The following HMCN1 variants were observed in gnomAD, a reference collection of about 807,000 sequenced individuals.
HMCN1 encodes the protein hemicentin-1.
HMCN1 carries 321 observed loss-of-function variants against 625.9 expected under a neutral mutation model. The ratio of observed to expected loss-of-function variants is 0.51; its 90% CI spans 0.47 to 0.56. The LOEUF is 0.56. HMCN1 is among the 20% of genes least tolerant of loss of function. HMCN1 has a pLI of 0.00. For missense variants in HMCN1, 6,588 were observed against 6,887.3 expected (o/e 0.96, Z 1.54); for synonymous variants, 2,425 against 2,417.6 (o/e 1.00, Z -0.09).
At chr1:186,002,760 A>G (rs778295251) in intron 28 of HMCN1, among the ~76,000 whole-genome samples, 23 of 152,022 alleles carry the variant, frequency 1.5e-4, no homozygotes, top group Non-Finnish European at 2.8e-4. Flanking sequence ...ATCAAACAAA[A>G]AGGTCCCAGT....
At position 186,001,384 on chromosome 1, in the gene HMCN1, G is replaced by GA. The variant is rs754361296; in HGVS notation, c.4156_4157insA (p.Gly1386GlufsTer11). 20 of 1,612,026 alleles carry GA rather than the reference G, an allele frequency of 1.2e-5. No homozygotes were observed. Among genetic ancestry groups the GA allele is most frequent in the Non-Finnish European group, 1.7e-5 (20 of 1,178,600 alleles). On this transcript the variant is annotated frameshift_variant, in exon 27 of 107. Coordinates refer to ENST00000271588, the MANE Select transcript of HMCN1 (RefSeq NM_031935.3). LOFTEE classifies it high-confidence loss of function. Reference sequence around the variant, plus strand: ...GACCAATCTCTTCTGTGAAGTGGAAGGCACTCCATCTCCCATCATTATGTG... The same window carrying GA: ...GACCAATCTCTTCTGTGAAGTGGAAGAGCACTCCATCTCCCATCATTATGTG...
Position 186,190,332 on chromosome 1 carries a change from C to T in HMCN1, c.*454C>T, listed in dbSNP as rs190698095. The T allele has an allele frequency of 1.5e-3, 316 of 212,178 alleles. 2 individuals are homozygous for T. The highest frequency in any genetic ancestry group is 6.3e-3 in the African/African-American group (276 of 43,590). 13.1% of individuals were successfully genotyped at this position (212,178 alleles called of 1,614,324 possible). ...TGATCAAAGCTTATAAAATAACTTA[C>T]GGAGATTTTTGTAAGTATTGATACA... On this transcript the variant is annotated 3_prime_UTR_variant, in exon 107 of 107. Transcript: ENST00000271588.
At position 186,166,078 on chromosome 1, in the gene HMCN1, A is replaced by T. The variant is rs1420368826; in HGVS notation, c.15320-106A>T. 3.3e-6 allele frequency: 4 copies of T among 1,202,646 alleles called. No individual in the cohort carries two copies. In the African/African-American group the frequency reaches 4.5e-5, roughly 14 times the overall value. The allele number at this position is 1,202,646 out of a possible 1,614,324, so 74.5% of individuals were successfully genotyped here. A position where few individuals can be genotyped will look rare whatever the true frequency, so the allele number is the denominator to read the frequency against. ...CTTAAAGCATTTTCTATTATATTTG[A>T]TTCAACTTCTTGGCCTCTATAAGCA... On this transcript the variant is annotated intron_variant, in intron 98 of 106. Coordinates refer to ENST00000271588, the MANE Select transcript of HMCN1 (RefSeq NM_031935.3).
Position 186,068,021 on chromosome 1 carries a change from T to C in HMCN1, c.7879+14T>C, listed in dbSNP as rs776877853. 1 of 1,607,664 alleles carries C rather than the reference T, an allele frequency of 6.2e-7. No homozygotes were observed. The highest frequency in any genetic ancestry group is 8.5e-7 in the Non-Finnish European group (1 of 1,174,346). ...GTATTCTTCCAGGTAATTCATTTGC[T>C]TCAGATGTCCAAGATGCATCTGCGT... On this transcript the variant is annotated intron_variant, in intron 50 of 106. Transcript: ENST00000271588.
chr1:186,106,318 A>G lies in HMCN1; in HGVS notation c.10771-566A>G, dbSNP rs117203614. 1.3e-3 allele frequency among the ~76,000 whole-genome samples: 204 copies of G among 152,278 alleles called. 3 individuals are homozygous for G. The East Asian group carries it at 0.036, about 27-fold the overall frequency. ...ACCATGCTTGGTGATTTTTAAAGTA[A>G]TGATTTTGGTTTTAGTTAGATAATT... On this transcript the variant is annotated intron_variant, in intron 69 of 106. Coordinates refer to ENST00000271588, the MANE Select transcript of HMCN1 (RefSeq NM_031935.3).
Position 186,095,396 on chromosome 1 carries a change from C to G in HMCN1, c.10448C>G (p.Thr3483Arg). 6.2e-7 allele frequency: 1 copy of G among 1,613,730 alleles called. No homozygotes were observed. Residue 3483 changes from threonine to arginine, a missense_variant, in exon 68 of 107, where the codon ACA becomes AGA. By Grantham distance (71) the Thr-to-Arg change is moderately conservative. Coordinates refer to ENST00000271588, the MANE Select transcript of HMCN1 (RefSeq NM_031935.3). ...GQPLGLDAHL[T>R]VSTHGMVLQL... The stretch of plus-strand genomic sequence containing the variant: ...CCTCTGGGGCTTGATGCCCATCTGA[C>G]AGTCAGCACCCATGGAATGGTCCTG...
At chr1:186,047,456 C>T (rs879025672) in intron 41 of HMCN1, among the ~76,000 whole-genome samples, 1 of 152,088 alleles carries the variant, frequency 6.6e-6, no homozygotes, top group Non-Finnish European at 1.5e-5. Context: ...GGAATGAAAA[C>T]TTTTATGGAA....
Position 185,918,630 on chromosome 1 carries a change from G to A in HMCN1, c.901-3749G>A, listed in dbSNP as rs117709020. On this transcript the variant is annotated intron_variant, in intron 6 of 106. Coordinates refer to ENST00000271588, the MANE Select transcript of HMCN1 (RefSeq NM_031935.3). The stretch of plus-strand genomic sequence containing the variant: ...AGTATAACCTCATCTTTGCCAAACC[G>A]TGACCTTACCTCACATCTGCTCACA... Among the ~76,000 whole-genome samples, 191 of 152,136 alleles carry A rather than the reference G, an allele frequency of 1.3e-3. 3 individuals are homozygous for A. In the East Asian group the frequency reaches 0.031, roughly 24 times the overall value.
chr1:186,111,012 G>T (rs1458587762), intron 71 of HMCN1, among the ~76,000 whole-genome samples: 2 of 46,646 alleles, frequency 4.3e-5, no homozygotes, highest in African/African-American at 1.6e-4. Flanking sequence ...ACGGAGTCTC[G>T]CTCTGTCGCC....
chr1:186,020,965 G>T (rs372488090), intron 35 of HMCN1, among the ~76,000 whole-genome samples: 1 of 152,026 alleles, frequency 6.6e-6, no homozygotes, highest in Non-Finnish European at 1.5e-5. Context: ...TTTAAGAGAG[G>T]AGTAACATGA....
At chr1:186,062,966 C>T (rs537423162) in intron 48 of HMCN1, among the ~76,000 whole-genome samples, 7 of 148,698 alleles carry the variant, frequency 4.7e-5, no homozygotes, top group South Asian at 2.1e-4. Context: ...TAAAGGCCTC[C>T]GGTTCCATTC....
At chr1:186,058,051 A>G (rs949251023) in intron 46 of HMCN1, among the ~76,000 whole-genome samples, 1 of 152,024 alleles carries the variant, frequency 6.6e-6, no homozygotes, top group Admixed American at 6.6e-5. Flanking sequence ...TTAGATACTT[A>G]GAAAAATACC....
intron 1 of HMCN1, among the ~76,000 whole-genome samples, chr1:185,804,943 A>G (rs887220935): frequency 2.0e-5 from 3 of 152,158 alleles, no homozygotes; most frequent in Non-Finnish European, 4.4e-5. Flanking sequence ...AAAAAAAACT[A>G]TACTATTTCT....
chr1:185,966,381 G>A (rs1245249946), intron 14 of HMCN1, among the ~76,000 whole-genome samples: 1 of 152,082 alleles, frequency 6.6e-6, no homozygotes, highest in African/African-American at 2.4e-5. Flanking sequence ...TTTATTGATA[G>A]GTCAGCTACA....
intron 57 of HMCN1, among the ~76,000 whole-genome samples, chr1:186,085,309 G>T (rs1037377720): frequency 5.9e-5 from 9 of 152,260 alleles, no homozygotes; most frequent in Admixed American, 4.6e-4. Flanking sequence ...CTGGTGGCCG[G>T]AAAGTCCAAG....
intron 69 of HMCN1, 115 bp from the exon 70 acceptor site, chr1:186,106,769 C>A: frequency 1.3e-6 from 1 of 790,408 alleles, no homozygotes; most frequent in Non-Finnish European, 2.3e-6. Flanking sequence ...AAACAGTTGG[C>A]TTTAATTATC....
intron 18 of HMCN1, among the ~76,000 whole-genome samples, chr1:185,982,639 C>T (rs531900440): frequency 6.6e-6 from 1 of 151,830 alleles, no homozygotes; most frequent in East Asian, 1.9e-4. Context: ...TGGGGTTTCA[C>T]CACGTTTGCC....
chr1:185,978,435 A>T (rs922221004), intron 16 of HMCN1, among the ~76,000 whole-genome samples: 1 of 152,188 alleles, frequency 6.6e-6, no homozygotes, highest in African/African-American at 2.4e-5. Context: ...GAAGCAAAAG[A>T]TCCCTGCCAC....
intron 24 of HMCN1, 84 bp downstream of exon 24, chr1:185,995,171 A>G: frequency 8.0e-7 from 1 of 1,245,944 alleles, no homozygotes; most frequent in Non-Finnish European, 1.2e-6. Flanking sequence ...ATCTTCGATA[A>G]TCTTAAATGA....
Sources: gnomAD v4.1 joint callset for allele counts (sites outside exome capture counted in the v4.1 genomes callset) on GRCh38, gnomAD v4.1.1 for gene constraint, MANE v1.5 for transcripts, NCBI Gene and HGNC (gene_info 2026-07-23, HGNC 2026-07-21) for gene names.